GRK3: variants seen among roughly 807,000 people sequenced by gnomAD.
The protein encoded by GRK3 is G protein-coupled receptor kinase 3.
Under a neutral mutation model 95.7 loss-of-function variants are expected in GRK3, and 54 were observed. The observed-to-expected ratio is 0.56, with a 90% CI of 0.45 to 0.71. The LOEUF is 0.71. Among genes scored for constraint, GRK3 ranks in the 30% least tolerant of loss-of-function variants. The probability of loss-of-function intolerance (pLI) is 0.00; values close to 1 mark genes in which losing one functional copy is unlikely to be tolerated. For missense variants in GRK3, 649 were observed against 851.2 expected (o/e 0.76, Z 2.96); for synonymous variants, 281 against 290.8 (o/e 0.97, Z 0.34).
intron 8 of GRK3, among the ~76,000 whole-genome samples, chr22:25,677,329 T>A (rs1267759319): frequency 8.1e-6 from 1 of 123,118 alleles, no homozygotes; most frequent in Non-Finnish European, 1.6e-5. Flanking sequence ...TGAGGTACAA[T>A]CATCCCACTG....
intron 2 of GRK3, among the ~76,000 whole-genome samples, chr22:25,628,066 G>A (rs369856376): frequency 6.6e-6 from 1 of 152,270 alleles, no homozygotes; most frequent in Non-Finnish European, 1.5e-5. Context: ...TCATTAAAAC[G>A]GGGAAACAGA....
Position 25,704,145 on chromosome 22 carries a change from A to C in GRK3, c.1264A>C (p.Lys422Gln). 1 of 1,613,738 alleles carries C rather than the reference A, an allele frequency of 6.2e-7. No homozygotes were observed. Among genetic ancestry groups the C allele is most frequent in the South Asian group, 1.1e-5 (1 of 91,038 alleles). ...TCCAGACACCTTCTCTCCTGAACTG[A>C]AGTCCCTTTTGGAGGGCTTGCTTCA... ...ELPDTFSPEL[K>Q]SLLEGLLQRD... Residue 422 changes from lysine (K) to glutamine (Q), a missense_variant, in exon 15 of 21, where the codon AAG becomes CAG. Lys to Gln is a moderately conservative substitution (Grantham distance 53, BLOSUM62 1). Transcript: ENST00000324198.
At chr22:25,721,617 C>T (rs1380997839) in intron 20 of GRK3, among the ~76,000 whole-genome samples, 1 of 152,146 alleles carries the variant, frequency 6.6e-6, no homozygotes, top group Non-Finnish European at 1.5e-5. Flanking sequence ...TGTCATTACT[C>T]TATCTGGAAA....
chr22:25,614,532 T>G (rs2084523688), intron 2 of GRK3, among the ~76,000 whole-genome samples: 1 of 152,206 alleles, frequency 6.6e-6, no homozygotes, highest in Non-Finnish European at 1.5e-5. Flanking sequence ...TACTATTAGT[T>G]TAAGACAGTG....
rs755620614 is a variant in GRK3 at position 25,727,877 on chromosome 22, G to A, written c.*5427G>A. ...TGTATATATTATATGTGGTTTATAA[G>A]CTCAACACTGGCCATTTTTTTAGTT... On this transcript the variant is annotated 3_prime_UTR_variant, in exon 21 of 21. Transcript: ENST00000324198. 6.6e-6 allele frequency: 1 copy of A among 152,082 alleles called. No individual in the cohort carries two copies. The highest frequency in any genetic ancestry group is 2.4e-5 in the African/African-American group (1 of 41,420). 9.4% of individuals were successfully genotyped at this position (152,082 alleles called of 1,614,324 possible).
At chr22:25,706,542 T>C (rs1360933271) in intron 15 of GRK3, among the ~76,000 whole-genome samples, 1 of 152,194 alleles carries the variant, frequency 6.6e-6, no homozygotes, top group Non-Finnish European at 1.5e-5. Context: ...TTATTTTTTA[T>C]TTTTTTGAGA....
At chr22:25,690,457 G>A (rs905095263) in intron 12 of GRK3, among the ~76,000 whole-genome samples, 174 bp downstream of exon 12, 1 of 152,166 alleles carries the variant, frequency 6.6e-6, no homozygotes, top group Non-Finnish European at 1.5e-5. Context: ...CACTGTCTGC[G>A]GAGAGCAGGA....
chr22:25,702,008 A>G (rs964066395), intron 13 of GRK3, among the ~76,000 whole-genome samples: 4 of 152,202 alleles, frequency 2.6e-5, no homozygotes, highest in African/African-American at 9.7e-5. Context: ...CTTGGAAATA[A>G]GGCAAAAAGA....
intron 16 of GRK3, among the ~76,000 whole-genome samples, chr22:25,710,240 G>A (rs1361595730): frequency 2.0e-5 from 3 of 152,092 alleles, no homozygotes; most frequent in African/African-American, 4.8e-5. Context: ...ACTAATAAAA[G>A]GTAAAATGGA....
chr22:25,573,784 G>A lies in GRK3; in HGVS notation c.113+8631G>A, dbSNP rs1601443810. Among the ~76,000 whole-genome samples the A allele has an allele frequency of 3.9e-5, 6 of 152,074 alleles. No individual in the cohort carries two copies. In the South Asian group the frequency reaches 1.2e-3, roughly 32 times the overall value. On this transcript the variant is annotated intron_variant, in intron 1 of 20. Transcript: ENST00000324198. ...CATGGTGGCAGGCACCCACAATCCC[G>A]GCTACTCAGGAGGCTGAGGCAGGAG... is the stretch of plus-strand genomic sequence containing the variant.
chr22:25,718,217 T>G (rs748658379), intron 18 of GRK3, 28 bp from the exon 19 acceptor site: 1 of 1,606,408 alleles, frequency 6.2e-7, no homozygotes, highest in South Asian at 1.1e-5. Flanking sequence ...AGAGCCTATT[T>G]AACTCCTAGT....
Position 25,674,280 on chromosome 22 carries a change from C to T in GRK3, c.556-157C>T, listed in dbSNP as rs778442347. Among the ~76,000 whole-genome samples, 120 of 152,156 alleles carry T rather than the reference C, an allele frequency of 7.9e-4. 1 individual carries two copies. The highest frequency in any genetic ancestry group is 1.8e-4 in the Non-Finnish European group (12 of 68,028). Reference sequence around the variant, plus strand: ...GTCAAAAGTCTTGCCACCCCTGGGGCATCTCATCCTTCAGCTTAAAGACTC... The same window carrying T: ...GTCAAAAGTCTTGCCACCCCTGGGGTATCTCATCCTTCAGCTTAAAGACTC... On this transcript the variant is annotated intron_variant, in intron 7 of 20. Coordinates refer to ENST00000324198, the MANE Select transcript of GRK3 (RefSeq NM_005160.4).
At chr22:25,720,143 AC>A (rs2085419801) in intron 19 of GRK3, among the ~76,000 whole-genome samples, 1 of 152,096 alleles carries the variant, frequency 6.6e-6, no homozygotes, top group Non-Finnish European at 1.5e-5. Flanking sequence ...TTATTATGCT[AC>A]CCACTGGCAT....
chr22:25,700,089 A>G (rs1255327285), intron 13 of GRK3, among the ~76,000 whole-genome samples: 2 of 152,126 alleles, frequency 1.3e-5, no homozygotes, highest in Non-Finnish European at 2.9e-5. Flanking sequence ...TTTTGTCTTT[A>G]TCCCCTACAA....
intron 2 of GRK3, among the ~76,000 whole-genome samples, chr22:25,623,549 C>T (rs2084603215): frequency 6.6e-6 from 1 of 152,176 alleles, no homozygotes; most frequent in Non-Finnish European, 1.5e-5. Context: ...TAATGTGTTG[C>T]CCTTGCCTCT....
At chr22:25,593,142 T>C (rs1232409194) in intron 1 of GRK3, among the ~76,000 whole-genome samples, 1 of 152,206 alleles carries the variant, frequency 6.6e-6, no homozygotes, top group South Asian at 2.1e-4. Context: ...ATGTGGTTTT[T>C]TTTTTTTCTT....
At chr22:25,709,313 A>G (rs2085325550) in intron 15 of GRK3, among the ~76,000 whole-genome samples, 2 of 152,152 alleles carry the variant, frequency 1.3e-5, no homozygotes, top group Non-Finnish European at 2.9e-5. Context: ...CTGGGATTAC[A>G]GGCGTGAGCC....
chr22:25,565,167 C>G lies in GRK3; in HGVS notation c.113+14C>G, dbSNP rs1178492928. Reference sequence around the variant, plus strand: ...GCCGGAGCCCAGGTACCAGCTGCCCCGGCCGGCGCCGGCCCCAAGCCGCCG... The same window carrying G: ...GCCGGAGCCCAGGTACCAGCTGCCCGGGCCGGCGCCGGCCCCAAGCCGCCG... On this transcript the variant is annotated intron_variant, in intron 1 of 20. Coordinates refer to ENST00000324198, the MANE Select transcript of GRK3 (RefSeq NM_005160.4). The G allele has an allele frequency of 7.0e-5, 100 of 1,419,118 alleles. No individual in the cohort carries two copies. The highest frequency in any genetic ancestry group is 8.8e-5 in the Non-Finnish European group (93 of 1,059,114). The allele number at this position is 1,419,118 out of a possible 1,614,324, so 87.9% of individuals were successfully genotyped here.
intron 1 of GRK3, among the ~76,000 whole-genome samples, chr22:25,571,469 T>G (rs1010254752): frequency 3.9e-5 from 6 of 152,178 alleles, no homozygotes; most frequent in African/African-American, 1.2e-4. Flanking sequence ...TTACCCATAT[T>G]GAATTTCAGA....
Sources: gnomAD v4.1 joint callset for allele counts (sites outside exome capture counted in the v4.1 genomes callset) on GRCh38, gnomAD v4.1.1 for gene constraint, MANE v1.5 for transcripts, NCBI Gene and HGNC (gene_info 2026-07-23, HGNC 2026-07-21) for gene names.